The following SYTL3 variants were observed in gnomAD, a reference collection of about 807,000 sequenced individuals.
SYTL3 encodes synaptotagmin-like protein 3.
Under a neutral mutation model 82.1 loss-of-function variants are expected in SYTL3, and 88 were observed. That is an observed-to-expected ratio of 1.07 (90% confidence interval 0.90 to 1.28). The LOEUF (loss-of-function observed/expected upper bound fraction) is 1.28. Ranked by LOEUF, SYTL3 falls within the 50% of genes most tolerant of loss-of-function variation. The probability of loss-of-function intolerance (pLI) is 0.00; values close to 1 mark genes in which losing one functional copy is unlikely to be tolerated. For synonymous variants in SYTL3, 311 were observed against 289.4 expected (o/e 1.07, Z -0.76); for missense variants, 831 against 757.6 (o/e 1.10, Z -1.14).
At chr6:158,707,337 A>G in intron 7 of SYTL3, 56 bp downstream of exon 7, 1 of 1,509,702 alleles carries the variant, frequency 6.6e-7, no homozygotes, top group Non-Finnish European at 9.2e-7. Context: ...AGCGCAGAGG[A>G]CACTCTGCAA....
chr6:158,758,268 G>A (rs548677114), intron 14 of SYTL3, among the ~76,000 whole-genome samples: 20 of 152,134 alleles, frequency 1.3e-4, no homozygotes, highest in Middle Eastern at 6.8e-3. Flanking sequence ...GTGAAACCCC[G>A]TCTCTCTAAA....
chr6:158,655,307 G>T (rs68040757), intron 2 of SYTL3, among the ~76,000 whole-genome samples: 26,166 of 152,030 alleles, frequency 0.17, 2,275 homozygotes, highest in African/African-American at 0.19. Context: ...ACTTGAATAT[G>T]GGCTTCCTGC....
chr6:158,648,499 G>A (rs1360562861), upstream of SYTL3, among the ~76,000 whole-genome samples: 5 of 151,432 alleles, frequency 3.3e-5, no homozygotes, highest in Non-Finnish European at 5.9e-5. Flanking sequence ...GCTGAGGCAG[G>A]AGAATAGCGT....
intron 13 of SYTL3, 104 bp downstream of exon 13, chr6:158,752,134 G>C: frequency 1.5e-6 from 1 of 645,286 alleles, no homozygotes; most frequent in Non-Finnish European, 2.5e-6. Context: ...GACTCAGTTA[G>C]ATATAATACA....
intron 12 of SYTL3, 67 bp downstream of exon 12, chr6:158,745,725 G>T: frequency 1.7e-6 from 2 of 1,211,256 alleles, no homozygotes; most frequent in Non-Finnish European, 2.2e-6. Flanking sequence ...AAAAGTAAAA[G>T]TCTAAGAATA....
At chr6:158,686,105 T>A (rs1779267637) in intron 6 of SYTL3, among the ~76,000 whole-genome samples, 1 of 152,170 alleles carries the variant, frequency 6.6e-6, no homozygotes. Flanking sequence ...CATCTTGTCA[T>A]CTTTTCAGCA....
chr6:158,674,124 TG>T (rs1202373327), intron 5 of SYTL3, among the ~76,000 whole-genome samples: 39 of 150,426 alleles, frequency 2.6e-4, no homozygotes, highest in African/African-American at 8.1e-4. Flanking sequence ...ATAATAATGA[TG>T]ATGATGATGA....
intron 10 of SYTL3, among the ~76,000 whole-genome samples, chr6:158,718,980 C>T (rs761209110): frequency 1.1e-4 from 16 of 152,172 alleles, no homozygotes; most frequent in Non-Finnish European, 1.8e-4. Context: ...GGTCAGCCCC[C>T]CTCTCCTGCT....
At chr6:158,731,626 C>T (rs914154150) in intron 11 of SYTL3, among the ~76,000 whole-genome samples, 2 of 152,136 alleles carry the variant, frequency 1.3e-5, no homozygotes, top group Non-Finnish European at 2.9e-5. Context: ...TGGTGTCTCG[C>T]TCTGTCACCC....
intron 6 of SYTL3, among the ~76,000 whole-genome samples, chr6:158,700,164 G>C (rs1428457193): frequency 1.3e-5 from 2 of 152,072 alleles, no homozygotes; most frequent in African/African-American, 4.8e-5. Flanking sequence ...GCTGAGGCAG[G>C]AGAATTGCTT....
At chr6:158,730,831 G>A (rs753876849) in intron 11 of SYTL3, among the ~76,000 whole-genome samples, 3 of 152,196 alleles carry the variant, frequency 2.0e-5, no homozygotes, top group Non-Finnish European at 4.4e-5. Context: ...CCGCAGGGGC[G>A]GTAAAGCATT....
intron 14 of SYTL3, among the ~76,000 whole-genome samples, chr6:158,759,045 C>G (rs1789545911): frequency 6.6e-6 from 1 of 152,208 alleles, no homozygotes; most frequent in African/African-American, 2.4e-5. Flanking sequence ...TGAACTCCTT[C>G]TGTCCGAGGC....
chr6:158,688,731 G>T (rs187910782), intron 6 of SYTL3, among the ~76,000 whole-genome samples: 45 of 152,314 alleles, frequency 3.0e-4, no homozygotes, highest in Non-Finnish European at 5.6e-4. Context: ...CTGTTCTTTT[G>T]TGAGTGTATG....
chr6:158,722,362 A>G (rs1357587191), intron 10 of SYTL3, among the ~76,000 whole-genome samples: 1 of 152,060 alleles, frequency 6.6e-6, no homozygotes, highest in Non-Finnish European at 1.5e-5. Context: ...GGGTTTTACC[A>G]TGTTGCCCAG....
At position 158,656,598 on chromosome 6, in the gene SYTL3, G is replaced by A. The variant is rs1325226607; in HGVS notation, c.-636-4671G>A. ...AAATTAGCCGGGCATGGTGGCAGGC[G>A]CCTGTAGTCCCAGCTACTCAGGAGG... is the stretch of plus-strand genomic sequence containing the variant. On this transcript the variant is annotated intron_variant, in intron 2 of 17. Transcript: ENST00000611299. Among the ~76,000 whole-genome samples the A allele has an allele frequency of 3.9e-5, 6 of 152,104 alleles. No homozygotes were observed. The South Asian group carries it at 6.2e-4, about 16-fold the overall frequency.
intron 11 of SYTL3, among the ~76,000 whole-genome samples, chr6:158,728,371 C>T (rs1452502398): frequency 2.6e-5 from 4 of 151,984 alleles, no homozygotes; most frequent in African/African-American, 9.7e-5. Context: ...ACTGTTGTAT[C>T]CCACAGTGAC....
rs147940890 is a variant in SYTL3, at chr6:158,727,572, G to C, written c.855+1935G>C. ...TCTGAGGTTTTTACCTTATAAGGAT[G>C]GACATAGCTGGGCCTGGCCGGAAAA... is the stretch of plus-strand genomic sequence containing the variant. On this transcript the variant is annotated intron_variant, in intron 11 of 17. Transcript: ENST00000611299. Among the ~76,000 whole-genome samples the C allele has an allele frequency of 1.6e-4, 24 of 152,276 alleles. No individual in the cohort carries two copies. The East Asian group carries it at 4.6e-3, about 29-fold the overall frequency.
At chr6:158,649,547 A>T (rs1265927223), upstream of SYTL3, among the ~76,000 whole-genome samples, 1 of 152,246 alleles carries the variant, frequency 6.6e-6, no homozygotes, top group East Asian at 1.9e-4. Flanking sequence ...GGGACACTTC[A>T]CGGTGCTGAG....
chr6:158,715,104 C>T (rs905508625), intron 9 of SYTL3, among the ~76,000 whole-genome samples: 8 of 152,154 alleles, frequency 5.3e-5, no homozygotes, highest in East Asian at 1.9e-4. Flanking sequence ...CCAGCTGTCC[C>T]GGCTGCCTCT....
Sources: gnomAD v4.1 joint callset for allele counts (sites outside exome capture counted in the v4.1 genomes callset) on GRCh38, gnomAD v4.1.1 for gene constraint, MANE v1.5 for transcripts, NCBI Gene and HGNC (gene_info 2026-07-23, HGNC 2026-07-21) for gene names.